The following PARN variants were observed in gnomAD, a reference collection of about 807,000 sequenced individuals.
The protein encoded by PARN is poly(A)-specific ribonuclease PARN.
A neutral mutation model predicts 102.8 loss-of-function variants in PARN; 71 were observed. The ratio of observed to expected loss-of-function variants is 0.69; its 90% CI spans 0.57 to 0.84. The LOEUF (loss-of-function observed/expected upper bound fraction) is 0.84. PARN is among the 40% of genes least tolerant of loss of function. The pLI is 0.00. For synonymous variants in PARN, 261 were observed against 252.9 expected, an observed-to-expected ratio of 1.03 and a Z score of -0.30; for missense variants, 782 against 760.9, an observed-to-expected ratio of 1.03 and a Z score of -0.33.
chr16:14,571,656 T>C (rs1968821081), intron 18 of PARN, among the ~76,000 whole-genome samples: 1 of 152,190 alleles, frequency 6.6e-6, no homozygotes, highest in Non-Finnish European at 1.5e-5. Flanking sequence ...TCTCAAACTA[T>C]GTCACCACAG....
intron 5 of PARN, among the ~76,000 whole-genome samples, chr16:14,621,281 G>C (rs1207591909): frequency 6.6e-6 from 1 of 152,106 alleles, no homozygotes; most frequent in African/African-American, 2.4e-5. Flanking sequence ...ACAAACTGTG[G>C]AAGGCATTTT....
chr16:14,556,089 C>A (rs1967667976), intron 18 of PARN, among the ~76,000 whole-genome samples: 1 of 151,854 alleles, frequency 6.6e-6, no homozygotes, highest in Non-Finnish European at 1.5e-5. Flanking sequence ...CCTGCCTCTG[C>A]CTCCCAAAGT....
chr16:14,540,541 C>A (rs1966798768), intron 21 of PARN, among the ~76,000 whole-genome samples: 1 of 152,110 alleles, frequency 6.6e-6, no homozygotes, highest in Admixed American at 6.5e-5. Flanking sequence ...CAGTTAAAGG[C>A]ATGCTTTTTG....
intron 21 of PARN, among the ~76,000 whole-genome samples, chr16:14,525,812 C>G (rs1260870014): frequency 1.3e-5 from 2 of 152,130 alleles, no homozygotes; most frequent in Non-Finnish European, 2.9e-5. Flanking sequence ...AGTGTTCTCA[C>G]CATGATTTCA....
chr16:14,571,853 G>A (rs1327183113), intron 18 of PARN, among the ~76,000 whole-genome samples: 1 of 152,182 alleles, frequency 6.6e-6, no homozygotes, highest in Non-Finnish European at 1.5e-5. Flanking sequence ...AGGTAATAAG[G>A]AGCAGAGCCG....
chr16:14,584,670 G>T lies in PARN; in HGVS notation c.1005+79C>A, dbSNP rs1969735472. 3 of 1,016,534 alleles carry T rather than the reference G, an allele frequency of 3.0e-6. No homozygotes were observed. The South Asian group carries it at 4.2e-5, about 14-fold the overall frequency. 63.0% of individuals were successfully genotyped at this position (1,016,534 alleles called of 1,614,324 possible). On this transcript the variant is annotated intron_variant, in intron 15 of 23. Transcript: ENST00000437198. Reference sequence around the variant, plus strand: ...TGCATTAAATACCTCCAAACCTTTTGCCAGAAGGCTATATTGTTCTGGCAT... The same window carrying T: ...TGCATTAAATACCTCCAAACCTTTTTCCAGAAGGCTATATTGTTCTGGCAT...
At position 14,480,940 on chromosome 16, in the gene PARN, AAAATAAAT is replaced by A. The variant is rs34273832; in HGVS notation, c.1670+1690_1670+1697del. ...GGAAAAAGAGCAAGACCTGCCTCAA[AAAATAAAT>A]AAATAAATAAATAAATAAATAAATA... On this transcript the variant is annotated intron_variant, in intron 22 of 23. Coordinates refer to ENST00000437198, the MANE Select transcript of PARN (RefSeq NM_002582.4). Among the ~76,000 whole-genome samples the A allele has an allele frequency of 1.2e-4, 18 of 149,088 alleles. 1 individual carries two copies. Among genetic ancestry groups the A allele is most frequent in the Admixed American group, 5.4e-4 (8 of 14,882 alleles).
At chr16:14,614,544 G>A (rs987624607) in intron 6 of PARN, among the ~76,000 whole-genome samples, 2 of 152,090 alleles carry the variant, frequency 1.3e-5, no homozygotes, top group African/African-American at 4.8e-5. Flanking sequence ...TGAAAATGGT[G>A]GCTCCCGTAC....
At chr16:14,600,031 C>A in intron 11 of PARN, 71 bp from the exon 12 acceptor site, 1 of 869,250 alleles carries the variant, frequency 1.2e-6, no homozygotes, top group South Asian at 1.9e-5. Flanking sequence ...AAAAACTACC[C>A]CAAAAAAAAG....
chr16:14,611,483 T>G (rs1971516610), intron 6 of PARN, among the ~76,000 whole-genome samples: 1 of 152,162 alleles, frequency 6.6e-6, no homozygotes, highest in Non-Finnish European at 1.5e-5. Flanking sequence ...AGGAAACAAG[T>G]CAGGAGCAAT....
intron 21 of PARN, among the ~76,000 whole-genome samples, chr16:14,494,441 C>T (rs1355114997): frequency 6.6e-6 from 1 of 152,130 alleles, no homozygotes; most frequent in Non-Finnish European, 1.5e-5. Context: ...AGAAAAATTT[C>T]CCTAAGGAAA....
At chr16:14,441,135 G>A (rs1471520891) in intron 23 of PARN, among the ~76,000 whole-genome samples, 2 of 152,112 alleles carry the variant, frequency 1.3e-5, no homozygotes, top group Non-Finnish European at 2.9e-5. Context: ...TTCTAAAAGG[G>A]GAAAAGGCAG....
chr16:14,521,021 G>A (rs770630901), intron 21 of PARN, among the ~76,000 whole-genome samples: 1 of 152,116 alleles, frequency 6.6e-6, no homozygotes, highest in Non-Finnish European at 1.5e-5. Flanking sequence ...GGCCTCTCTG[G>A]TTACACAATG....
At chr16:14,495,659 AG>A (rs1964278390) in intron 21 of PARN, among the ~76,000 whole-genome samples, 2 of 152,188 alleles carry the variant, frequency 1.3e-5, no homozygotes, top group South Asian at 4.1e-4. Context: ...AATTCCGAAA[AG>A]GAAGGAAAGA....
intron 21 of PARN, among the ~76,000 whole-genome samples, chr16:14,540,831 G>A (rs1479190422): frequency 2.6e-5 from 4 of 151,990 alleles, no homozygotes; most frequent in African/African-American, 9.7e-5. Flanking sequence ...TACATCTGTA[G>A]TCCCAGCTAC....
At chr16:14,520,169 C>A (rs1965662331) in intron 21 of PARN, among the ~76,000 whole-genome samples, 1 of 152,168 alleles carries the variant, frequency 6.6e-6, no homozygotes, top group African/African-American at 2.4e-5. Flanking sequence ...GTAAGAAATG[C>A]TACAGGACGA....
At chr16:14,584,520 T>C (rs987777192) in intron 15 of PARN, 98 bp from the exon 16 acceptor site, 1 of 956,968 alleles carries the variant, frequency 1.0e-6, no homozygotes, top group African/African-American at 1.6e-5. Flanking sequence ...CAGCATCTAG[T>C]ACTGTCTCCT....
intron 21 of PARN, among the ~76,000 whole-genome samples, chr16:14,518,261 C>T (rs1965555499): frequency 7.4e-6 from 1 of 134,408 alleles, no homozygotes; most frequent in Admixed American, 7.8e-5. Context: ...CACTACACTC[C>T]AGCCTAGGCA....
At position 14,436,699 on chromosome 16, in the gene PARN, G is replaced by C. The variant is rs1433494496; in HGVS notation, c.*18C>G. The C allele has an allele frequency of 6.3e-7, 1 of 1,584,742 alleles. No individual in the cohort carries two copies. Among genetic ancestry groups the C allele is most frequent in the Non-Finnish European group, 8.6e-7 (1 of 1,161,716 alleles). On this transcript the variant is annotated 3_prime_UTR_variant, in exon 24 of 24. Coordinates refer to ENST00000437198, the MANE Select transcript of PARN (RefSeq NM_002582.4). ...CTCACAGCGACAGCACCAGCGGTTT[G>C]CTGCCCTCAGGTCTTGGTTACCATG...
Sources: allele counts gnomAD v4.1 joint callset (sites outside exome capture counted in the v4.1 genomes callset), GRCh38; gene constraint gnomAD v4.1.1; transcripts MANE v1.5; gene names NCBI Gene and HGNC (gene_info 2026-07-23, HGNC 2026-07-21).